The following SDK1 variants were observed in gnomAD, a reference collection of about 807,000 sequenced individuals.
The protein encoded by SDK1 is sidekick cell adhesion molecule 1, also known as protein sidekick-1.
In SDK1, 157 loss-of-function variants were observed where a neutral mutation model predicts 245.5. The observed-to-expected ratio is 0.64, with a 90% confidence interval of 0.56 to 0.73. The LOEUF (loss-of-function observed/expected upper bound fraction) is 0.73. Ranked by LOEUF, SDK1 falls within the 30% of genes least tolerant of loss-of-function variation. The pLI, the probability that SDK1 is intolerant of heterozygous loss-of-function variation, is 0.00. For synonymous variants in SDK1, 1,647 were observed against 1,278.5 expected (o/e 1.29, Z -6.15); for missense variants, 3,583 against 3,002.3 (o/e 1.19, Z -4.52).
At chr7:3,936,233 G>A (rs1780154166) in intron 5 of SDK1, among the ~76,000 whole-genome samples, 1 of 152,086 alleles carries the variant, frequency 6.6e-6, no homozygotes, top group African/African-American at 2.4e-5. Flanking sequence ...GGGCTGGGGA[G>A]GAGGAAGTGG....
At chr7:3,858,217 G>A (rs1030189651) in intron 5 of SDK1, among the ~76,000 whole-genome samples, 1 of 151,996 alleles carries the variant, frequency 6.6e-6, no homozygotes, top group African/African-American at 2.4e-5. Context: ...AGAGAAAATT[G>A]CTAAACAGTA....
chr7:3,554,785 A>G (rs1779532814), intron 1 of SDK1, among the ~76,000 whole-genome samples: 1 of 152,224 alleles, frequency 6.6e-6, no homozygotes, highest in Admixed American at 6.5e-5. Context: ...GTATTTGTCT[A>G]TGCCAAAAAC....
intron 1 of SDK1, among the ~76,000 whole-genome samples, chr7:3,553,506 T>C (rs1779482535): frequency 6.6e-6 from 1 of 152,086 alleles, no homozygotes; most frequent in African/African-American, 2.4e-5. Context: ...GCATCTCACA[T>C]TCCCTCACCC....
Position 3,901,195 on chromosome 7 carries a change from C to CT in SDK1, c.848-49719dup, listed in dbSNP as rs1011645073. Among the ~76,000 whole-genome samples the CT allele has an allele frequency of 1.2e-3, 186 of 148,974 alleles. 1 individual carries two copies. Among genetic ancestry groups the CT allele is most frequent in the Admixed American group, 5.6e-3 (84 of 14,940 alleles). ...TTAACTGTCTTTTTTTTTCTTTTTT[C>CT]TTTTTTTTTCCCGACAGAGTCTTGC... On this transcript the variant is annotated intron_variant, in intron 5 of 44. Transcript: ENST00000404826.
chr7:3,519,295 C>T (rs1300181633), intron 1 of SDK1, among the ~76,000 whole-genome samples: 1 of 152,054 alleles, frequency 6.6e-6, no homozygotes, highest in Non-Finnish European at 1.5e-5. Context: ...CTGTTCCCAA[C>T]ACAAAGAAGT....
In SDK1 at chr7:4,268,409, C is replaced by G; in HGVS notation, c.*3025C>G. ...GGGTGAATCGGTCCAGCCCAAGCCC[C>G]TCTCCCCAGCCTCGCCTTCAGCCTC... is the stretch of plus-strand genomic sequence containing the variant. On this transcript the variant is annotated 3_prime_UTR_variant, in exon 45 of 45. Transcript: ENST00000404826. The G allele has an allele frequency of 8.9e-7, 1 of 1,118,200 alleles. No homozygotes were observed. Among genetic ancestry groups the G allele is most frequent in the South Asian group, 2.0e-5 (1 of 49,502 alleles). The allele number at this position is 1,118,200 out of a possible 1,614,324, so 69.3% of individuals were successfully genotyped here.
chr7:3,760,503 C>T (rs62437938), intron 4 of SDK1, among the ~76,000 whole-genome samples: 7,079 of 152,224 alleles, frequency 0.047, 228 homozygotes, highest in Middle Eastern at 0.12. Context: ...ATGAAGTGTT[C>T]GGTCACGTTT....
intron 4 of SDK1, among the ~76,000 whole-genome samples, chr7:3,764,023 A>T (rs1780180567): frequency 6.6e-6 from 1 of 152,190 alleles, no homozygotes; most frequent in Non-Finnish European, 1.5e-5. Context: ...TTGCCATAGA[A>T]AATACAGCCT....
chr7:3,988,228 C>G (rs1248239724), intron 14 of SDK1, among the ~76,000 whole-genome samples: 1 of 149,248 alleles, frequency 6.7e-6, no homozygotes, highest in Non-Finnish European at 1.5e-5. Context: ...TGCCAGAACC[C>G]TAGGAATGGT....
chr7:3,942,273 A>G (rs1345372104), intron 5 of SDK1, among the ~76,000 whole-genome samples: 1 of 152,170 alleles, frequency 6.6e-6, no homozygotes, highest in Non-Finnish European at 1.5e-5. Flanking sequence ...TTTGCTGGGT[A>G]CAGAGATAAA....
At chr7:3,717,114 A>T (rs539252906) in intron 4 of SDK1, among the ~76,000 whole-genome samples, 2 of 152,340 alleles carry the variant, frequency 1.3e-5, no homozygotes, top group South Asian at 4.1e-4. Context: ...AAGGAGTGGA[A>T]TGAGGATACA....
rs1006871461 is a variant in SDK1 at position 4,267,328 on chromosome 7, C to T, written c.*1944C>T. On this transcript the variant is annotated 3_prime_UTR_variant, in exon 45 of 45. Coordinates refer to ENST00000404826, the MANE Select transcript of SDK1 (RefSeq NM_152744.4). Reference sequence around the variant, plus strand: ...CTTCTTTCCCTCCCTCCCTTCCTCTCTCCCCTATTCCTTCTTCCTTTTCTC... The same window carrying T: ...CTTCTTTCCCTCCCTCCCTTCCTCTTTCCCCTATTCCTTCTTCCTTTTCTC... 6.7e-6 allele frequency: 6 copies of T among 892,924 alleles called. No individual in the cohort carries two copies. The African/African-American group carries it at 1.1e-4, about 16-fold the overall frequency. The allele number at this position is 892,924 out of a possible 1,614,324, so 55.3% of individuals were successfully genotyped here.
At chr7:3,985,379 A>G (rs1423997072) in intron 13 of SDK1, among the ~76,000 whole-genome samples, 1 of 152,218 alleles carries the variant, frequency 6.6e-6, no homozygotes, top group Non-Finnish European at 1.5e-5. Context: ...GTTTCAGACC[A>G]CACCGATTCA....
chr7:3,470,634 A>G (rs1433155570), intron 1 of SDK1, among the ~76,000 whole-genome samples: 1 of 152,158 alleles, frequency 6.6e-6, no homozygotes, highest in Non-Finnish European at 1.5e-5. Context: ...GACAGGAAAC[A>G]AAAGGAAAAT....
intron 5 of SDK1, among the ~76,000 whole-genome samples, chr7:3,854,533 C>A (rs958253808): frequency 1.3e-5 from 2 of 152,110 alleles, no homozygotes; most frequent in African/African-American, 4.8e-5. Context: ...ACAGAGCAAC[C>A]ATATTCCGTA....
At chr7:3,523,170 GAT>G (rs2128615338) in intron 1 of SDK1, among the ~76,000 whole-genome samples, 1 of 152,272 alleles carries the variant, frequency 6.6e-6, no homozygotes, top group South Asian at 2.1e-4. Flanking sequence ...AAAATCTCAT[GAT>G]AAACACTATA....
chr7:3,392,462 T>G (rs1167549027), intron 1 of SDK1, among the ~76,000 whole-genome samples: 1 of 152,102 alleles, frequency 6.6e-6, no homozygotes, highest in Non-Finnish European at 1.5e-5. Flanking sequence ...TATACACACA[T>G]ATAGCATAGA....
intron 1 of SDK1, among the ~76,000 whole-genome samples, chr7:3,462,987 C>T (rs1583893705): frequency 6.6e-6 from 1 of 152,204 alleles, no homozygotes; most frequent in South Asian, 2.1e-4. Context: ...CCCCATTTGG[C>T]AGCTCCCCCG....
chr7:3,689,412 G>A (rs1225093459), intron 4 of SDK1, among the ~76,000 whole-genome samples: 1 of 152,136 alleles, frequency 6.6e-6, no homozygotes, highest in East Asian at 1.9e-4. Context: ...AGTAAACCTG[G>A]TACAAGCTAA....
Sources: gnomAD v4.1 joint callset for allele counts (sites outside exome capture counted in the v4.1 genomes callset) on GRCh38, gnomAD v4.1.1 for gene constraint, MANE v1.5 for transcripts, NCBI Gene and HGNC (gene_info 2026-07-23, HGNC 2026-07-21) for gene names.